SEL1L: variants seen among roughly 807,000 people sequenced by gnomAD.
The protein encoded by SEL1L is protein sel-1 homolog 1.
In SEL1L, 52 loss-of-function variants were observed where a neutral mutation model predicts 109.8. That is an observed-to-expected ratio of 0.47 (90% CI 0.38 to 0.60). The LOEUF is 0.60. SEL1L is among the 20% of genes least tolerant of loss of function. The pLI, the probability that SEL1L is intolerant of heterozygous loss-of-function variation, is 0.00. For synonymous variants in SEL1L, 373 were observed against 339.6 expected (o/e 1.10, Z -1.08); for missense variants, 749 against 962.2 (o/e 0.78, Z 2.93).
chr14:81,493,107 T>C (rs1883611235), intron 11 of SEL1L, among the ~76,000 whole-genome samples: 1 of 152,252 alleles, frequency 6.6e-6, no homozygotes, highest in South Asian at 2.1e-4. Flanking sequence ...CCCATTTTTG[T>C]TAAGGACCTT....
chr14:81,519,203 C>T (rs1019246641), intron 3 of SEL1L, among the ~76,000 whole-genome samples: 1 of 152,242 alleles, frequency 6.6e-6, no homozygotes, highest in South Asian at 2.1e-4. Context: ...TGGATTTAAG[C>T]ACTCCGTGTG....
intron 17 of SEL1L, 69 bp from the exon 18 acceptor site, chr14:81,485,815 A>T: frequency 4.7e-6 from 6 of 1,288,520 alleles, no homozygotes; most frequent in African/African-American, 1.5e-5. Context: ...TTTCATTTGC[A>T]AAGTAGGAAG....
chr14:81,484,117 G>T, intron 19 of SEL1L, 108 bp downstream of exon 19: 1 of 1,141,146 alleles, frequency 8.8e-7, no homozygotes, highest in African/African-American at 1.5e-5. Flanking sequence ...ATAATTTAGT[G>T]GCCTGAAATC....
intron 2 of SEL1L, 140 bp downstream of exon 2, chr14:81,527,561 C>T (rs529129020): frequency 1.1e-5 from 6 of 550,504 alleles, no homozygotes. Context: ...AGAACTAATA[C>T]TAATACCATC....
At chr14:81,533,159 C>A (rs1427431357) in intron 1 of SEL1L, among the ~76,000 whole-genome samples, 1 of 152,142 alleles carries the variant, frequency 6.6e-6, no homozygotes, top group Non-Finnish European at 1.5e-5. Context: ...AAAGTGGCTA[C>A]GATGAGATCA....
intron 1 of SEL1L, among the ~76,000 whole-genome samples, chr14:81,530,021 T>C (rs956965751): frequency 1.3e-5 from 2 of 152,396 alleles, no homozygotes; most frequent in East Asian, 1.9e-4. Context: ...TATTATTTTA[T>C]TAACTGTACA....
chr14:81,533,423 A>C (rs759312105), intron 1 of SEL1L, among the ~76,000 whole-genome samples: 1 of 152,204 alleles, frequency 6.6e-6, no homozygotes, highest in South Asian at 2.1e-4. Context: ...TCGTGAGAAG[A>C]GTCGCGCAAA....
intron 3 of SEL1L, among the ~76,000 whole-genome samples, chr14:81,519,370 T>G (rs1445640860): frequency 6.6e-6 from 1 of 152,214 alleles, no homozygotes; most frequent in Admixed American, 6.5e-5. Context: ...CAGCATAGAT[T>G]TACTAGGAAC....
intron 3 of SEL1L, among the ~76,000 whole-genome samples, chr14:81,514,830 T>C (rs1209693849): frequency 6.6e-6 from 1 of 152,184 alleles, no homozygotes; most frequent in Non-Finnish European, 1.5e-5. Context: ...CATTTTTTTC[T>C]GCACTATGGC....
In SEL1L at chr14:81,475,772, A is replaced by T. The variant is rs187068019; in HGVS notation, c.*1200T>A. ...TAGTAGCCTTGATTTTCCTAATGTT[A>T]ACAGTGAGAAAATGGTGACTATGAT... is the stretch of plus-strand genomic sequence containing the variant. On this transcript the variant is annotated 3_prime_UTR_variant, in exon 21 of 21. Coordinates refer to ENST00000336735, the MANE Select transcript of SEL1L (RefSeq NM_005065.6). 3 of 152,326 alleles carry T rather than the reference A, an allele frequency of 2.0e-5. No homozygotes were observed. In the East Asian group the frequency reaches 5.8e-4, roughly 29 times the overall value. The allele number at this position is 152,326 out of a possible 1,614,324, so 9.4% of individuals were successfully genotyped here. A position where few individuals can be genotyped will look rare whatever the true frequency, so the allele number is the denominator to read the frequency against.
intron 3 of SEL1L, among the ~76,000 whole-genome samples, chr14:81,523,415 T>G (rs1196015242): frequency 6.6e-6 from 1 of 151,994 alleles, no homozygotes; most frequent in Non-Finnish European, 1.5e-5. Flanking sequence ...CAGATCAGAG[T>G]GGGCATGGAA....
chr14:81,514,030 T>C (rs1158793913), intron 3 of SEL1L, among the ~76,000 whole-genome samples: 1 of 152,244 alleles, frequency 6.6e-6, no homozygotes, highest in African/African-American at 2.4e-5. Flanking sequence ...CTGAGGCTAG[T>C]CCTGCTTCTA....
rs748338908 is a variant in SEL1L, at chr14:81,495,095, C to A, written c.1171G>T (p.Glu391Ter). 6.2e-7 allele frequency: 1 copy of A among 1,614,018 alleles called. No homozygotes were observed. The highest frequency in any genetic ancestry group is 8.5e-7 in the Non-Finnish European group (1 of 1,179,964). The stretch of plus-strand genomic sequence containing the variant: ...AGGGTAGTTACCTGATGATTCTGTT[C>A]TACTCCACGCCCTCCGTGCAGGTGC... ...QLHLHGGRGVEQNHQRAFDYF... is the reference protein window; with the variant it reads ...QLHLHGGRGV The change falls in exon 11 of 21, where the codon GAA becomes TAA. Residue 391 changes from glutamate to a stop codon, truncating the protein, a stop_gained. Coordinates refer to ENST00000336735, the MANE Select transcript of SEL1L (RefSeq NM_005065.6). LOFTEE classifies it high-confidence loss of function.
chr14:81,472,918 G>A lies in SEL1L; in HGVS notation c.*4054C>T, dbSNP rs1036071961. The A allele has an allele frequency of 5.6e-6, 1 of 179,648 alleles. No homozygotes were observed. The highest frequency in any genetic ancestry group is 2.4e-5 in the African/African-American group (1 of 41,728). The allele number at this position is 179,648 out of a possible 1,614,324, so 11.1% of individuals were successfully genotyped here. On this transcript the variant is annotated 3_prime_UTR_variant, in exon 21 of 21. Transcript: ENST00000336735. ...GGTTGTGGTATATTACAGCATACAG[G>A]ATAACCAGAGGTGGAATCTTTATTT...
chr14:81,498,122 A>G, intron 9 of SEL1L, 76 bp from the exon 10 acceptor site: 1 of 1,449,966 alleles, frequency 6.9e-7, no homozygotes, highest in Non-Finnish European at 9.4e-7. Context: ...GTACAATTCC[A>G]GCTGCCAAAC....
rs17847450 is a variant in SEL1L, at chr14:81,506,264, T to C, written c.341-23A>G. 631 of 1,549,084 alleles carry C rather than the reference T, an allele frequency of 4.1e-4. 5 individuals carry two copies. The East Asian group carries it at 4.5e-3, about 11-fold the overall frequency. ...AAGCTGGAATGACAAGAAATAAAAA[T>C]CTAAACATGAAACAACACCTCTGGT... On this transcript the variant is annotated intron_variant, in intron 3 of 20. Transcript: ENST00000336735.
intron 12 of SEL1L, 83 bp from the exon 13 acceptor site, chr14:81,490,548 T>C: frequency 1.9e-6 from 2 of 1,037,416 alleles, no homozygotes; most frequent in South Asian, 2.7e-5. Flanking sequence ...CCTTTGAGTT[T>C]TGTCAGATCT....
At chr14:81,518,784 C>G (rs1285318998) in intron 3 of SEL1L, among the ~76,000 whole-genome samples, 1 of 152,014 alleles carries the variant, frequency 6.6e-6, no homozygotes, top group African/African-American at 2.4e-5. Flanking sequence ...TAAGTCCAGG[C>G]CTCCTAAAAG....
Position 81,479,691 on chromosome 14 carries a change from G to C in SEL1L, c.2096C>G (p.Pro699Arg), listed in dbSNP as rs1416500241. The C allele has an allele frequency of 2.5e-6, 4 of 1,613,952 alleles. No homozygotes were observed. The African/African-American group carries it at 5.3e-5, about 22-fold the overall frequency. Residue 699 changes from proline (P) to arginine (R), a missense_variant, in exon 20 of 21, where the codon CCA becomes CGA. Coordinates refer to ENST00000336735, the MANE Select transcript of SEL1L (RefSeq NM_005065.6). ...RFYDMAAEAS[P>R]DAQVPVFLAL... ...TAGGAAGACTGGAACTTGTGCATCT[G>C]GGCTGGCTTCAGCTGCCATGTCATA...
Sources: gnomAD v4.1 joint callset for allele counts (sites outside exome capture counted in the v4.1 genomes callset) on GRCh38, gnomAD v4.1.1 for gene constraint, MANE v1.5 for transcripts, NCBI Gene and HGNC (gene_info 2026-07-23, HGNC 2026-07-21) for gene names.